DLG2: variants seen among roughly 807,000 people sequenced by gnomAD.
DLG2 encodes disks large homolog 2.
DLG2 carries 45 observed loss-of-function variants against 132.5 expected under a neutral mutation model. The observed-to-expected ratio is 0.34, with a 90% confidence interval of 0.27 to 0.44. The LOEUF is 0.44. DLG2 is among the 20% of genes least tolerant of loss of function. The probability of loss-of-function intolerance (pLI) is 1.00; values close to 1 mark genes in which losing one functional copy is unlikely to be tolerated. For synonymous variants in DLG2, 424 were observed against 419.6 expected (o/e 1.01, Z -0.13); for missense variants, 1,045 against 1,196.9 (o/e 0.87, Z 1.87).
At chr11:84,118,060 T>C (rs1379676737) in intron 9 of DLG2, among the ~76,000 whole-genome samples, 1 of 152,126 alleles carries the variant, frequency 6.6e-6, no homozygotes, top group Non-Finnish European at 1.5e-5. Flanking sequence ...TTTCACCATG[T>C]TGGCCAGGCT....
intron 7 of DLG2, among the ~76,000 whole-genome samples, chr11:84,461,870 C>A (rs1039944518): frequency 2.7e-5 from 4 of 150,468 alleles, no homozygotes; most frequent in African/African-American, 9.7e-5. Context: ...GTTTCTAACA[C>A]CTGGCACAAC....
intron 6 of DLG2, among the ~76,000 whole-genome samples, chr11:84,613,929 CCTCT>C (rs2099599752): frequency 1.3e-5 from 2 of 152,062 alleles, no homozygotes; most frequent in South Asian, 4.1e-4. Flanking sequence ...TTTTATAGAT[CCTCT>C]CTTTCATATT....
chr11:84,111,144 T>C (rs1042698908), intron 9 of DLG2, among the ~76,000 whole-genome samples: 1 of 152,168 alleles, frequency 6.6e-6, no homozygotes, highest in Non-Finnish European at 1.5e-5. Context: ...TATCGAAACT[T>C]AGTTATTCAT....
intron 6 of DLG2, among the ~76,000 whole-genome samples, chr11:85,110,756 G>T (rs964297783): frequency 2.6e-5 from 4 of 152,058 alleles, no homozygotes; most frequent in Admixed American, 1.3e-4. Context: ...CAGTCCAGTC[G>T]TATCTTTCAG....
chr11:84,758,658 A>C (rs538019503), intron 6 of DLG2, among the ~76,000 whole-genome samples: 11 of 152,268 alleles, frequency 7.2e-5, no homozygotes, highest in African/African-American at 2.6e-4. Context: ...ATAATATTGA[A>C]AGATGCTATT....
At chr11:84,836,301 C>T (rs569398937) in intron 6 of DLG2, among the ~76,000 whole-genome samples, 17 of 151,648 alleles carry the variant, frequency 1.1e-4, no homozygotes, top group Non-Finnish European at 1.9e-4. Context: ...GAATTGGTGG[C>T]GCAGGAGTGG....
chr11:83,585,630 A>C (rs2097071279), intron 19 of DLG2, among the ~76,000 whole-genome samples: 1 of 152,246 alleles, frequency 6.6e-6, no homozygotes, highest in Non-Finnish European at 1.5e-5. Context: ...ACACATGAAC[A>C]ACATTTGGAT....
intron 6 of DLG2, among the ~76,000 whole-genome samples, chr11:85,057,720 A>G (rs901968537): frequency 1.3e-5 from 2 of 151,604 alleles, no homozygotes; most frequent in Non-Finnish European, 3.0e-5. Context: ...TTACAGGCCA[A>G]TCTTTCTCAT....
chr11:84,531,560 G>A (rs2099340875), intron 7 of DLG2, among the ~76,000 whole-genome samples: 1 of 152,084 alleles, frequency 6.6e-6, no homozygotes, highest in African/African-American at 2.4e-5. Context: ...AGGTCATGAT[G>A]AAAAAAATCC....
At chr11:85,461,438 A>G (rs1401893909) in intron 3 of DLG2, among the ~76,000 whole-genome samples, 2 of 152,220 alleles carry the variant, frequency 1.3e-5, no homozygotes, top group African/African-American at 2.4e-5. Flanking sequence ...ATTTGGGCAA[A>G]AAACAGTTAT....
intron 21 of DLG2, among the ~76,000 whole-genome samples, chr11:83,493,365 TTCCTTCCTTCCTTCCTTCCTTC>T (rs2093973597): frequency 4.5e-5 from 3 of 66,728 alleles, no homozygotes; most frequent in Middle Eastern, 8.8e-3. Context: ...CCTTCCTTCC[TTCCTTCCTTCCTTCCTTCCTTC>T]CTTCCTTTCT....
intron 10 of DLG2, among the ~76,000 whole-genome samples, chr11:84,070,992 A>G (rs2096748003): frequency 6.6e-6 from 1 of 152,212 alleles, no homozygotes; most frequent in Non-Finnish European, 1.5e-5. Context: ...CATCACCAGA[A>G]AGGGAGGAGT....
chr11:83,811,571 T>G (rs1270642411), intron 17 of DLG2, among the ~76,000 whole-genome samples: 6 of 152,160 alleles, frequency 3.9e-5, no homozygotes, highest in Admixed American at 2.0e-4. Context: ...TGTGTAAAAT[T>G]CACGACATTT....
Position 83,854,714 on chromosome 11 carries a change from A to G in DLG2, c.1565+19706T>C, listed in dbSNP as rs189430382. 4.7e-3 allele frequency among the ~76,000 whole-genome samples: 718 copies of G among 152,248 alleles called. 5 individuals carry two copies. Among genetic ancestry groups the G allele is most frequent in the African/African-American group, 0.017 (693 of 41,552 alleles). On this transcript the variant is annotated intron_variant, in intron 16 of 27. Transcript: ENST00000376104. ...GATGACTGTTTGGATACAACACCAA[A>G]GGCATGATTCATGAAAGAAAGAACT... is the stretch of plus-strand genomic sequence containing the variant.
At chr11:83,816,137 C>G (rs1173522992) in intron 17 of DLG2, among the ~76,000 whole-genome samples, 1 of 152,132 alleles carries the variant, frequency 6.6e-6, no homozygotes, top group Non-Finnish European at 1.5e-5. Flanking sequence ...AATGCAGCAA[C>G]TAGAGTGGAA....
chr11:85,119,532 G>A (rs567461269), intron 5 of DLG2, among the ~76,000 whole-genome samples: 1 of 151,970 alleles, frequency 6.6e-6, no homozygotes, highest in East Asian at 1.9e-4. Flanking sequence ...GGAATGGGCT[G>A]TAATTGTACT....
intron 9 of DLG2, among the ~76,000 whole-genome samples, chr11:84,117,257 T>C (rs2093678581): frequency 1.3e-5 from 2 of 152,222 alleles, no homozygotes; most frequent in African/African-American, 4.8e-5. Context: ...ATTTGCCTTA[T>C]TTTCTAGCCT....
At chr11:85,508,477 C>T (rs1297668706) in intron 3 of DLG2, among the ~76,000 whole-genome samples, 1 of 152,036 alleles carries the variant, frequency 6.6e-6, no homozygotes, top group Non-Finnish European at 1.5e-5. Context: ...TAGGTATGTT[C>T]TTTATCCCCC....
At chr11:83,994,178 G>T (rs1382572947) in intron 11 of DLG2, among the ~76,000 whole-genome samples, 3 of 152,048 alleles carry the variant, frequency 2.0e-5, no homozygotes, top group Non-Finnish European at 4.4e-5. Flanking sequence ...TATAGGAAGG[G>T]TTGATATTTA....
Sources: allele counts gnomAD v4.1 joint callset (sites outside exome capture counted in the v4.1 genomes callset), GRCh38; gene constraint gnomAD v4.1.1; transcripts MANE v1.5; gene names NCBI Gene and HGNC (gene_info 2026-07-23, HGNC 2026-07-21).